Variants in TBC1D5 observed in about 807,000 individuals in gnomAD.
TBC1D5 encodes the protein TBC1 domain family member 5.
Under a neutral mutation model 100.3 loss-of-function variants are expected in TBC1D5, and 75 were observed. That is an observed-to-expected ratio of 0.75 (90% CI 0.62 to 0.91). The LOEUF (loss-of-function observed/expected upper bound fraction) is 0.91, where lower values mean the gene tolerates loss of function less well. Among genes scored for constraint, TBC1D5 ranks in the 40% least tolerant of loss-of-function variants. The pLI is 0.00. For synonymous variants in TBC1D5, 323 were observed against 325.6 expected, an observed-to-expected ratio of 0.99 and a Z score of 0.09; for missense variants, 910 against 942.4, an observed-to-expected ratio of 0.97 and a Z score of 0.45.
At chr3:17,268,637 T>C (rs1027871266) in intron 15 of TBC1D5, among the ~76,000 whole-genome samples, 9 of 152,210 alleles carry the variant, frequency 5.9e-5, no homozygotes, top group Admixed American at 2.0e-4. Context: ...AGGAAAACTC[T>C]GTGAGTGTTA....
intron 1 of TBC1D5, among the ~76,000 whole-genome samples, chr3:17,723,322 A>T (rs1290052942): frequency 3.3e-5 from 5 of 152,138 alleles, no homozygotes; most frequent in East Asian, 3.8e-4. Context: ...CACAAAAATT[A>T]AAAAATTTAA....
intron 19 of TBC1D5, chr3:17,184,533 T>C (rs1252074922): frequency 2.0e-5 from 3 of 152,150 alleles, no homozygotes; most frequent in African/African-American, 7.2e-5. Flanking sequence ...TTTTATTTTA[T>C]TATTTTTGTT....
chr3:17,645,768 A>G (rs191821386), intron 1 of TBC1D5, among the ~76,000 whole-genome samples: 1 of 152,190 alleles, frequency 6.6e-6, no homozygotes, highest in East Asian at 1.9e-4. Flanking sequence ...CAGCATGCTT[A>G]CAATGAAACT....
At chr3:17,613,454 T>C (rs889590706) in intron 2 of TBC1D5, among the ~76,000 whole-genome samples, 1 of 152,256 alleles carries the variant, frequency 6.6e-6, no homozygotes, top group Non-Finnish European at 1.5e-5. Flanking sequence ...CCTTCAGGAA[T>C]CGCCACACTG....
At chr3:17,584,983 G>A (rs950493813) in intron 2 of TBC1D5, among the ~76,000 whole-genome samples, 6 of 151,878 alleles carry the variant, frequency 4.0e-5, no homozygotes, top group African/African-American at 1.2e-4. Flanking sequence ...CAGAGATGGG[G>A]ATTTGCTATG....
At chr3:17,244,303 G>A (rs2076546976) in intron 16 of TBC1D5, among the ~76,000 whole-genome samples, 1 of 152,126 alleles carries the variant, frequency 6.6e-6, no homozygotes, top group South Asian at 2.1e-4. Context: ...AGTGCCAAAT[G>A]GCATCTATCG....
chr3:17,258,400 A>C, intron 16 of TBC1D5, 106 bp downstream of exon 16: 1 of 1,053,110 alleles, frequency 9.5e-7, no homozygotes, highest in African/African-American at 1.6e-5. Flanking sequence ...CCTTATGTAC[A>C]TATGCTAAAA....
At chr3:17,704,080 G>C (rs1306695178) in intron 1 of TBC1D5, among the ~76,000 whole-genome samples, 1 of 143,478 alleles carries the variant, frequency 7.0e-6, no homozygotes, top group African/African-American at 2.6e-5. Flanking sequence ...CTTCCGCAGT[G>C]TTTGTGTCCC....
At chr3:17,414,309 A>T (rs962027749) in intron 4 of TBC1D5, among the ~76,000 whole-genome samples, 2 of 152,196 alleles carry the variant, frequency 1.3e-5, no homozygotes, top group Non-Finnish European at 2.9e-5. Context: ...ATAATCCTAA[A>T]GTACATGCCA....
intron 13 of TBC1D5, among the ~76,000 whole-genome samples, chr3:17,348,968 A>G (rs2090238260): frequency 6.6e-6 from 1 of 152,198 alleles, no homozygotes; most frequent in African/African-American, 2.4e-5. Flanking sequence ...AAATTCTATC[A>G]TTACCTTGCA....
chr3:17,198,816 A>G (rs772033797), intron 18 of TBC1D5, among the ~76,000 whole-genome samples: 9 of 152,200 alleles, frequency 5.9e-5, no homozygotes, highest in Non-Finnish European at 1.3e-4. Context: ...AATACTCCAG[A>G]AAGTTTTTAA....
intron 3 of TBC1D5, among the ~76,000 whole-genome samples, chr3:17,505,564 C>T (rs557848536): frequency 6.6e-6 from 1 of 152,294 alleles, no homozygotes; most frequent in South Asian, 2.1e-4. Context: ...TCACTGATGA[C>T]ATTCCAATCT....
chr3:17,640,357 A>C (rs992937219), intron 1 of TBC1D5, among the ~76,000 whole-genome samples: 1 of 152,172 alleles, frequency 6.6e-6, no homozygotes, highest in Non-Finnish European at 1.5e-5. Context: ...ACTTTATTAA[A>C]ACTAAATAAA....
At chr3:17,400,135 A>AGG (rs2093609130) in intron 8 of TBC1D5, among the ~76,000 whole-genome samples, 1 of 151,996 alleles carries the variant, frequency 6.6e-6, no homozygotes, top group Non-Finnish European at 1.5e-5. Context: ...GCAGCATCCT[A>AGG]TCTGTGTTAT....
At chr3:17,580,366 G>C (rs2096685920) in intron 2 of TBC1D5, among the ~76,000 whole-genome samples, 1 of 151,958 alleles carries the variant, frequency 6.6e-6, no homozygotes, top group African/African-American at 2.4e-5. Flanking sequence ...CCACAAAGGA[G>C]AACTACAGAA....
At chr3:17,213,102 C>A (rs1405345636) in intron 18 of TBC1D5, among the ~76,000 whole-genome samples, 3 of 152,136 alleles carry the variant, frequency 2.0e-5, no homozygotes, top group African/African-American at 7.2e-5. Context: ...GTATACCTTA[C>A]CTTATATTTT....
intron 2 of TBC1D5, among the ~76,000 whole-genome samples, chr3:17,525,195 T>A (rs957475663): frequency 6.6e-6 from 1 of 152,070 alleles, no homozygotes; most frequent in Non-Finnish European, 1.5e-5. Context: ...AATGACGCGA[T>A]CTCGGCTCAC....
chr3:17,578,887 C>G (rs1249167553), intron 2 of TBC1D5, among the ~76,000 whole-genome samples: 1 of 152,004 alleles, frequency 6.6e-6, no homozygotes, highest in Admixed American at 6.6e-5. Flanking sequence ...CTCCAAACTT[C>G]TAAGCCTAAA....
chr3:17,501,479 C>G (rs2095787730), intron 3 of TBC1D5, among the ~76,000 whole-genome samples: 1 of 148,424 alleles, frequency 6.7e-6, no homozygotes, highest in Admixed American at 6.6e-5. Flanking sequence ...AAAAGTTTGC[C>G]GCCACCCTCA....
Sources: gnomAD v4.1 joint callset for allele counts (sites outside exome capture counted in the v4.1 genomes callset) on GRCh38, gnomAD v4.1.1 for gene constraint, MANE v1.5 for transcripts, NCBI Gene and HGNC (gene_info 2026-07-23, HGNC 2026-07-21) for gene names.